Variants in GRM5 observed in about 807,000 individuals in gnomAD.
GRM5 encodes glutamate metabotropic receptor 5.
Under a neutral mutation model 83.1 loss-of-function variants are expected in GRM5, and 19 were observed. The observed-to-expected ratio is 0.23, with a 90% CI of 0.16 to 0.34. GRM5 has a LOEUF of 0.34. Among genes scored for constraint, GRM5 ranks in the 10% least tolerant of loss-of-function variants. The probability of loss-of-function intolerance (pLI) is 1.00; values close to 1 mark genes in which losing one functional copy is unlikely to be tolerated. For missense variants in GRM5, 1,160 were observed against 1,588.3 expected (o/e 0.73, Z 4.58); for synonymous variants, 675 against 633.6 (o/e 1.07, Z -0.98).
Position 88,571,595 on chromosome 11 carries a change from T to G in GRM5, c.1691-3603A>C, listed in dbSNP as rs113041281. 2.8e-3 allele frequency among the ~76,000 whole-genome samples: 420 copies of G among 152,240 alleles called. 6 individuals are homozygous for G. Among genetic ancestry groups the G allele is most frequent in the African/African-American group, 9.6e-3 (399 of 41,538 alleles). On this transcript the variant is annotated intron_variant, in intron 7 of 9. Coordinates refer to ENST00000305447, the MANE Select transcript of GRM5 (RefSeq NM_001143831.3). ...GAGTCTAAACTCAGAAGATTTTGAG[T>G]CAGTACATTGTGGTGGGGCAAAGGA...
chr11:88,891,842 A>T (rs117668245), intron 2 of GRM5, among the ~76,000 whole-genome samples: 4,762 of 152,124 alleles, frequency 0.031, 104 homozygotes, highest in Non-Finnish European at 0.048. Flanking sequence ...AATGTACAGG[A>T]CTCATGAAGA....
chr11:88,744,388 G>C (rs908160790), intron 3 of GRM5, among the ~76,000 whole-genome samples: 1 of 152,132 alleles, frequency 6.6e-6, no homozygotes, highest in Admixed American at 6.5e-5. Flanking sequence ...TAGATATTCA[G>C]CAGTCATTGC....
intron 2 of GRM5, among the ~76,000 whole-genome samples, chr11:88,933,452 A>C (rs1283243286): frequency 4.0e-5 from 6 of 151,786 alleles, no homozygotes; most frequent in African/African-American, 1.2e-4. Flanking sequence ...ATTAAAAGCA[A>C]TCTCAACTGC....
intron 3 of GRM5, among the ~76,000 whole-genome samples, chr11:88,727,046 C>A (rs1404346987): frequency 1.3e-5 from 2 of 152,110 alleles, no homozygotes; most frequent in Non-Finnish European, 2.9e-5. Flanking sequence ...ACAATATTAG[C>A]CTTAAATGTA....
At chr11:88,590,173 C>T (rs1228172584) in intron 7 of GRM5, among the ~76,000 whole-genome samples, 2 of 152,122 alleles carry the variant, frequency 1.3e-5, no homozygotes, top group African/African-American at 2.4e-5. Flanking sequence ...AAACAATTAA[C>T]AGAAGAAAAG....
At chr11:88,941,606 C>T (rs1203428973) in intron 2 of GRM5, among the ~76,000 whole-genome samples, 3 of 146,684 alleles carry the variant, frequency 2.0e-5, no homozygotes, top group Non-Finnish European at 4.5e-5. Context: ...GGAGGGAAAG[C>T]GGGAAAAAGC....
At chr11:88,551,979 C>T (rs1942520670) in intron 8 of GRM5, among the ~76,000 whole-genome samples, 1 of 151,682 alleles carries the variant, frequency 6.6e-6, no homozygotes, top group Non-Finnish European at 1.5e-5. Context: ...AATCTAGCAT[C>T]AACATTCTAG....
At chr11:88,904,378 T>C (rs1945369437) in intron 2 of GRM5, among the ~76,000 whole-genome samples, 1 of 152,204 alleles carries the variant, frequency 6.6e-6, no homozygotes, top group Non-Finnish European at 1.5e-5. Context: ...GCCATCATAT[T>C]TTTTCAAAGC....
chr11:88,950,351 A>AGAGT (rs1555047336), intron 2 of GRM5, among the ~76,000 whole-genome samples: 2 of 147,394 alleles, frequency 1.4e-5, no homozygotes, highest in African/African-American at 2.5e-5. Flanking sequence ...TTGTGAGATA[A>AGAGT]GTGTGTGTGT....
intron 3 of GRM5, among the ~76,000 whole-genome samples, chr11:88,680,740 T>C (rs1009011840): frequency 2.0e-5 from 3 of 152,158 alleles, no homozygotes; most frequent in Non-Finnish European, 4.4e-5. Flanking sequence ...CAAACTAATA[T>C]TTCACACCTT....
At chr11:88,868,435 A>T (rs1424409999) in intron 2 of GRM5, among the ~76,000 whole-genome samples, 1 of 151,774 alleles carries the variant, frequency 6.6e-6, no homozygotes, top group Non-Finnish European at 1.5e-5. Context: ...TTTGCATGGA[A>T]AGTGCTTATA....
intron 3 of GRM5, among the ~76,000 whole-genome samples, chr11:88,825,307 G>A (rs1041513680): frequency 1.9e-4 from 28 of 150,476 alleles, no homozygotes; most frequent in African/African-American, 4.7e-4. Context: ...TATTGTTTTT[G>A]TGAACACCCC....
chr11:88,994,573 G>A (rs1940113384), intron 2 of GRM5, among the ~76,000 whole-genome samples: 1 of 138,798 alleles, frequency 7.2e-6, no homozygotes, highest in African/African-American at 2.7e-5. Context: ...AGTTAGCCAT[G>A]GTCATTCTTT....
chr11:88,878,535 A>G (rs1944896860), intron 2 of GRM5, among the ~76,000 whole-genome samples: 1 of 152,176 alleles, frequency 6.6e-6, no homozygotes, highest in African/African-American at 2.4e-5. Flanking sequence ...GAACAAAGGG[A>G]CATATACTAG....
chr11:88,822,397 C>A (rs2135510753), intron 3 of GRM5, among the ~76,000 whole-genome samples: 1 of 152,242 alleles, frequency 6.6e-6, no homozygotes, highest in Middle Eastern at 3.4e-3. Flanking sequence ...AATAAGCAAT[C>A]ATGCAAAAGA....
At chr11:88,828,785 T>C (rs1235882776) in intron 3 of GRM5, among the ~76,000 whole-genome samples, 1 of 152,032 alleles carries the variant, frequency 6.6e-6, no homozygotes, top group Non-Finnish European at 1.5e-5. Flanking sequence ...AATAAGAATT[T>C]TGAATTATAC....
chr11:88,531,156 C>T (rs1254434400), intron 8 of GRM5, among the ~76,000 whole-genome samples: 1 of 152,082 alleles, frequency 6.6e-6, no homozygotes, highest in Non-Finnish European at 1.5e-5. Context: ...TGCCTGGAAG[C>T]AGCGTTGAGT....
At chr11:89,034,699 G>A (rs931125795) in intron 2 of GRM5, among the ~76,000 whole-genome samples, 1 of 151,554 alleles carries the variant, frequency 6.6e-6, no homozygotes, top group African/African-American at 2.4e-5. Flanking sequence ...TGCTTTCATG[G>A]ACTATATATT....
At chr11:88,973,886 C>T (rs766808081) in intron 2 of GRM5, among the ~76,000 whole-genome samples, 127 of 151,782 alleles carry the variant, frequency 8.4e-4, no homozygotes, top group Non-Finnish European at 1.4e-3. Context: ...TTTAAATTAC[C>T]GAATAATGCT....
Sources: allele counts gnomAD v4.1 joint callset (sites outside exome capture counted in the v4.1 genomes callset), GRCh38; gene constraint gnomAD v4.1.1; transcripts MANE v1.5; gene names NCBI Gene and HGNC (gene_info 2026-07-23, HGNC 2026-07-21).